ARHGEF28: variants seen among roughly 807,000 people sequenced by gnomAD.
The protein encoded by ARHGEF28 is 190 kDa guanine nucleotide exchange factor.
A neutral mutation model predicts 206.6 loss-of-function variants in ARHGEF28; 152 were observed. The ratio of observed to expected loss-of-function variants is 0.74; its 90% CI spans 0.64 to 0.84. The LOEUF (loss-of-function observed/expected upper bound fraction) is 0.84, where lower values mean the gene tolerates loss of function less well. ARHGEF28 is among the 40% of genes least tolerant of loss of function. The pLI is 0.00. For missense variants in ARHGEF28, 2,028 were observed against 2,073.2 expected, an observed-to-expected ratio of 0.98 and a Z score of 0.42; for synonymous variants, 763 against 776.4, an observed-to-expected ratio of 0.98 and a Z score of 0.29.
At chr5:73,823,603 T>G (rs1302033349) in intron 9 of ARHGEF28, among the ~76,000 whole-genome samples, 1 of 152,188 alleles carries the variant, frequency 6.6e-6, no homozygotes, top group Non-Finnish European at 1.5e-5. Flanking sequence ...GTGAATGTTT[T>G]CTCAGCAAGA....
chr5:73,767,551 C>T (rs867493125), intron 4 of ARHGEF28, among the ~76,000 whole-genome samples: 4 of 152,126 alleles, frequency 2.6e-5, no homozygotes, highest in Middle Eastern at 6.8e-3. Context: ...GCTAGAGATT[C>T]GTGGAATTTT....
At chr5:73,734,534 A>G (rs988125255) in intron 2 of ARHGEF28, among the ~76,000 whole-genome samples, 3 of 152,344 alleles carry the variant, frequency 2.0e-5, no homozygotes, top group Admixed American at 1.3e-4. Flanking sequence ...AAGGCCACAT[A>G]AAGGATAGAC....
intron 9 of ARHGEF28, among the ~76,000 whole-genome samples, chr5:73,807,487 C>CTTTT (rs577924923): frequency 0.017 from 2,436 of 142,266 alleles, 72 homozygotes; most frequent in African/African-American, 0.06. Flanking sequence ...CAATGTAATT[C>CTTTT]TTTTTTTTTT....
chr5:73,900,705 C>T (rs1003272361), intron 30 of ARHGEF28: 3 of 153,096 alleles, frequency 2.0e-5, no homozygotes, highest in African/African-American at 7.2e-5. Flanking sequence ...CCTCCTGCTT[C>T]GGACTCCTCC....
chr5:73,686,836 C>T (rs1225450141), intron 2 of ARHGEF28, among the ~76,000 whole-genome samples: 1 of 151,960 alleles, frequency 6.6e-6, no homozygotes, highest in Non-Finnish European at 1.5e-5. Context: ...CCAAGTGTTT[C>T]TAGTTATTAA....
At chr5:73,650,405 C>T (rs1360916394) in intron 1 of ARHGEF28, among the ~76,000 whole-genome samples, 2 of 150,814 alleles carry the variant, frequency 1.3e-5, no homozygotes, top group Non-Finnish European at 2.9e-5. Context: ...CCTCTTCAGC[C>T]TCCTGAGTAG....
chr5:73,798,521 A>G (rs1314049089), intron 9 of ARHGEF28, among the ~76,000 whole-genome samples: 1 of 152,198 alleles, frequency 6.6e-6, no homozygotes, highest in African/African-American at 2.4e-5. Context: ...TGTCTAATGC[A>G]GGACTTATGG....
chr5:73,864,899 A>G (rs956597344), intron 17 of ARHGEF28, 27 bp downstream of exon 17: 11 of 1,602,740 alleles, frequency 6.9e-6, no homozygotes, highest in African/African-American at 2.7e-5. Flanking sequence ...CTGTGAATAT[A>G]TATGTGGCAT....
intron 35 of ARHGEF28, among the ~76,000 whole-genome samples, chr5:73,935,802 TA>T (rs1464867034): frequency 2.6e-5 from 4 of 152,274 alleles, no homozygotes; most frequent in African/African-American, 9.6e-5. Context: ...GACACATGAT[TA>T]AAATAAACAA....
chr5:73,754,368 A>G (rs1752189749), intron 4 of ARHGEF28, among the ~76,000 whole-genome samples: 1 of 152,144 alleles, frequency 6.6e-6, no homozygotes, highest in Non-Finnish European at 1.5e-5. Flanking sequence ...GGAAGTCACA[A>G]GTCTAGTCCA....
chr5:73,789,264 A>G (rs900262641), intron 7 of ARHGEF28, among the ~76,000 whole-genome samples: 2 of 152,218 alleles, frequency 1.3e-5, no homozygotes, highest in East Asian at 3.8e-4. Context: ...AATCTTGAAA[A>G]CATTATGCTA....
At chr5:73,880,981 G>A (rs999401112) in intron 22 of ARHGEF28, among the ~76,000 whole-genome samples, 5 of 151,366 alleles carry the variant, frequency 3.3e-5, no homozygotes, top group Admixed American at 3.3e-4. Flanking sequence ...TTAAGTGTGT[G>A]TTGTACTTTG....
rs1261412191 is a variant in ARHGEF28 at position 73,813,481 on chromosome 5, A to AT, written c.1024+18092dup. The AT allele has an allele frequency of 2.0e-6, 3 of 1,487,812 alleles. No individual in the cohort carries two copies. The African/African-American group carries it at 4.2e-5, about 21-fold the overall frequency. 92.2% of individuals were successfully genotyped at this position (1,487,812 alleles called of 1,614,324 possible). The stretch of plus-strand genomic sequence containing the variant: ...TGCAGGAGCTATTTCATCCAATCTC[A>AT]TTCCTTCCCTTTACATCACATGGGG... On this transcript the variant is annotated intron_variant, in intron 9 of 35. Coordinates refer to ENST00000513042, the MANE Select transcript of ARHGEF28 (RefSeq NM_001177693.2).
intron 4 of ARHGEF28, among the ~76,000 whole-genome samples, chr5:73,759,600 C>T (rs531428700): frequency 6.6e-6 from 1 of 152,146 alleles, no homozygotes; most frequent in Admixed American, 6.5e-5. Flanking sequence ...TTCTTTTTTT[C>T]CCCTAAATTT....
chr5:73,910,755 T>G (rs1389810939), intron 34 of ARHGEF28, among the ~76,000 whole-genome samples: 1 of 152,160 alleles, frequency 6.6e-6, no homozygotes, highest in African/African-American at 2.4e-5. Flanking sequence ...TAAGAGTTAT[T>G]TATTTGTGTC....
At chr5:73,698,817 C>T (rs1006446527) in intron 2 of ARHGEF28, among the ~76,000 whole-genome samples, 1 of 151,906 alleles carries the variant, frequency 6.6e-6, no homozygotes, top group Non-Finnish European at 1.5e-5. Context: ...AGCCGGGTCA[C>T]AGGCAGGTGA....
At chr5:73,640,617 C>A (rs964439412) in intron 1 of ARHGEF28, among the ~76,000 whole-genome samples, 3 of 152,144 alleles carry the variant, frequency 2.0e-5, no homozygotes, top group Non-Finnish European at 4.4e-5. Flanking sequence ...GCTGTTCTTA[C>A]TTAGAGTCTC....
chr5:73,852,652 C>G lies in ARHGEF28; in HGVS notation c.1750C>G (p.Gln584Glu). ...TTTTATTGTTCTGTGTCTTGTAGAG[C>G]AAAGAGCTTACAGCTTATCGGAGCC... ...ELTVCSSSEE[Q>E]RAYSLSEPPR... The change falls in exon 14 of 36, where the codon CAA (glutamine) becomes GAA (glutamate). Residue 584 changes from glutamine to glutamate, a missense_variant and splice_region_variant. By Grantham distance (29) the Gln-to-Glu change is conservative (BLOSUM62 2). This residue lies in a region of ARHGEF28 where 1,002 missense variants were observed against 1,015.3 expected (regional missense o/e 0.99). Coordinates refer to ENST00000513042, the MANE Select transcript of ARHGEF28 (RefSeq NM_001177693.2). The G allele has an allele frequency of 6.2e-7, 1 of 1,613,544 alleles. No individual in the cohort carries two copies. Among genetic ancestry groups the G allele is most frequent in the Non-Finnish European group, 8.5e-7 (1 of 1,179,666 alleles).
intron 4 of ARHGEF28, among the ~76,000 whole-genome samples, chr5:73,766,163 A>C (rs892018852): frequency 6.7e-6 from 1 of 150,044 alleles, no homozygotes; most frequent in African/African-American, 2.4e-5. Flanking sequence ...CAAAAAAAAA[A>C]AAACAAAAAA....
Sources: allele counts gnomAD v4.1 joint callset (sites outside exome capture counted in the v4.1 genomes callset), GRCh38; gene constraint gnomAD v4.1.1; regional missense constraint gnomAD v4.1.1; transcripts MANE v1.5; gene names NCBI Gene and HGNC (gene_info 2026-07-23, HGNC 2026-07-21).